BAALC: variants seen among roughly 807,000 people sequenced by gnomAD.
BAALC encodes the protein BAALC binder of MAP3K1 and KLF4, also known as brain and acute leukemia cytoplasmic protein.
In BAALC, 9 loss-of-function variants were observed where a neutral mutation model predicts 15.5. The ratio of observed to expected loss-of-function variants is 0.58; its 90% CI spans 0.35 to 1.02. The LOEUF is 1.02. BAALC is among the 50% of genes least tolerant of loss of function. BAALC has a pLI of 0.02. For missense variants in BAALC, 201 were observed against 192.4 expected (o/e 1.04, Z -0.27); for synonymous variants, 80 against 74.6 (o/e 1.07, Z -0.37).
At chr8:103,141,118 G>T in intron 1 of BAALC, 61 bp downstream of exon 1, 1 of 1,379,736 alleles carries the variant, frequency 7.2e-7, no homozygotes, top group African/African-American at 1.5e-5. Flanking sequence ...CTTGGCCCGG[G>T]CACTGAGAGA....
intron 1 of BAALC, among the ~76,000 whole-genome samples, chr8:103,192,193 A>C (rs1025295995): frequency 6.6e-6 from 1 of 152,164 alleles, no homozygotes; most frequent in African/African-American, 2.4e-5. Context: ...CTGGGATTAC[A>C]GGCATGTGCC....
intron 1 of BAALC, chr8:103,198,300 TA>T: frequency 1.3e-5 from 7 of 544,996 alleles, no homozygotes; most frequent in Non-Finnish European, 1.9e-5. Context: ...ATATAATAAC[TA>T]AAAAATAAAT....
chr8:103,213,213 T>C (rs1812490837), intron 2 of BAALC, 128 bp downstream of exon 2: 1 of 1,069,350 alleles, frequency 9.4e-7, no homozygotes, highest in Non-Finnish European at 1.3e-6. Flanking sequence ...AAAAAAAGTC[T>C]CTGCCCCACC....
At chr8:103,227,125 G>A (rs1325515702) in intron 2 of BAALC, among the ~76,000 whole-genome samples, 1 of 152,156 alleles carries the variant, frequency 6.6e-6, no homozygotes, top group African/African-American at 2.4e-5. Context: ...ACCTCTGATA[G>A]GAAGCATATG....
At chr8:103,193,578 A>C (rs749614529) in intron 1 of BAALC, among the ~76,000 whole-genome samples, 1 of 152,220 alleles carries the variant, frequency 6.6e-6, no homozygotes, top group Non-Finnish European at 1.5e-5. Flanking sequence ...GGGAGCAAAT[A>C]GATGGGAGCA....
At chr8:103,171,049 A>G (rs933217661) in intron 1 of BAALC, among the ~76,000 whole-genome samples, 1 of 152,124 alleles carries the variant, frequency 6.6e-6, no homozygotes, top group African/African-American at 2.4e-5. Flanking sequence ...TTGGAAAGCT[A>G]TCAAGCCAAA....
At chr8:103,160,780 C>A (rs1811206850) in intron 1 of BAALC, among the ~76,000 whole-genome samples, 1 of 152,134 alleles carries the variant, frequency 6.6e-6, no homozygotes. Context: ...CAGCAGGAAG[C>A]ACCCAGCACG....
rs557342231 is a variant in BAALC, at chr8:103,226,576, T to C, written c.328-1413T>C. Among the ~76,000 whole-genome samples the C allele has an allele frequency of 1.1e-4, 16 of 152,310 alleles. No individual in the cohort carries two copies. The East Asian group carries it at 2.3e-3, about 22-fold the overall frequency. ...CACCCCCAGCACACAATCACAAGAATAGGCACAACACTGCCCCTCACCAAT... is the reference window on the plus strand; with the variant it reads ...CACCCCCAGCACACAATCACAAGAACAGGCACAACACTGCCCCTCACCAAT... On this transcript the variant is annotated intron_variant, in intron 2 of 2. Coordinates refer to ENST00000309982, the MANE Select transcript of BAALC (RefSeq NM_024812.3).
intron 2 of BAALC, among the ~76,000 whole-genome samples, chr8:103,221,005 G>A (rs371404681): frequency 1.1e-4 from 16 of 152,246 alleles, no homozygotes; most frequent in African/African-American, 2.6e-4. Flanking sequence ...TTTCCATTTG[G>A]GGGGAAAGTG....
chr8:103,199,547 C>A (rs574145521), intron 1 of BAALC, among the ~76,000 whole-genome samples: 1 of 151,610 alleles, frequency 6.6e-6, no homozygotes, highest in African/African-American at 2.4e-5. Flanking sequence ...TTGCTTTGAG[C>A]GATTTTAAAA....
At chr8:103,221,434 G>T (rs1812675788) in intron 2 of BAALC, among the ~76,000 whole-genome samples, 2 of 151,732 alleles carry the variant, frequency 1.3e-5, no homozygotes, top group Non-Finnish European at 1.5e-5. Context: ...TGCTAATTAG[G>T]CTCCTCTCAT....
intron 2 of BAALC, among the ~76,000 whole-genome samples, chr8:103,220,583 T>G (rs1010602937): frequency 3.3e-5 from 5 of 152,204 alleles, no homozygotes; most frequent in Admixed American, 3.3e-4. Context: ...TCTTGAAGTT[T>G]ACAATATGAG....
intron 1 of BAALC, among the ~76,000 whole-genome samples, chr8:103,164,104 G>A (rs1303070115): frequency 1.4e-4 from 21 of 152,214 alleles, no homozygotes; most frequent in Non-Finnish European, 2.9e-5. Context: ...AAGGCGAGGG[G>A]TCTTTGAGGA....
At chr8:103,221,196 T>C (rs546233366) in intron 2 of BAALC, among the ~76,000 whole-genome samples, 1 of 152,286 alleles carries the variant, frequency 6.6e-6, no homozygotes, top group Non-Finnish European at 1.5e-5. Context: ...CCTTGAGAAA[T>C]GGCAGGCTAC....
At chr8:103,177,283 C>T (rs1811629203) in intron 1 of BAALC, among the ~76,000 whole-genome samples, 1 of 151,836 alleles carries the variant, frequency 6.6e-6, no homozygotes, top group African/African-American at 2.4e-5. Context: ...CTCCTGGGCC[C>T]AAGTGATCCT....
chr8:103,142,341 T>C (rs1563631560), intron 1 of BAALC, among the ~76,000 whole-genome samples: 2 of 152,250 alleles, frequency 1.3e-5, no homozygotes, highest in African/African-American at 4.8e-5. Context: ...AGCTGTACAA[T>C]ACATTACACT....
intron 1 of BAALC, among the ~76,000 whole-genome samples, chr8:103,172,945 C>G (rs542168707): frequency 1.7e-4 from 26 of 152,202 alleles, no homozygotes; most frequent in Admixed American, 9.8e-4. Flanking sequence ...AGGTGCAAAC[C>G]AGGCCAGTGA....
chr8:103,153,117 T>C (rs1189545714), intron 1 of BAALC: 1 of 152,236 alleles, frequency 6.6e-6, no homozygotes, highest in Non-Finnish European at 1.5e-5. Context: ...GGATGTGATG[T>C]TGTGTGAGGT....
intron 2 of BAALC, among the ~76,000 whole-genome samples, chr8:103,225,253 A>C (rs1390113761): frequency 1.3e-5 from 2 of 152,204 alleles, no homozygotes; most frequent in Non-Finnish European, 2.9e-5. Context: ...TTAAACTGAG[A>C]GCTTATGATG....
Sources: gnomAD v4.1 joint callset for allele counts (sites outside exome capture counted in the v4.1 genomes callset) on GRCh38, gnomAD v4.1.1 for gene constraint, MANE v1.5 for transcripts, NCBI Gene and HGNC (gene_info 2026-07-23, HGNC 2026-07-21) for gene names.